C2CD2: variants seen among roughly 807,000 people sequenced by gnomAD.
C2CD2 encodes C2 domain-containing protein 2.
In C2CD2, 43 loss-of-function variants were observed where a neutral mutation model predicts 74.3. The observed-to-expected ratio is 0.58, with a 90% CI of 0.45 to 0.75. The LOEUF (loss-of-function observed/expected upper bound fraction) is 0.75. C2CD2 is among the 30% of genes least tolerant of loss of function. The pLI is 0.00. For synonymous variants in C2CD2, 422 were observed against 390.7 expected (o/e 1.08, Z -0.94); for missense variants, 801 against 916.3 (o/e 0.87, Z 1.63).
intron 7 of C2CD2, among the ~76,000 whole-genome samples, chr21:41,910,211 C>A (rs554706702): frequency 6.6e-6 from 1 of 152,140 alleles, no homozygotes; most frequent in East Asian, 1.9e-4. Context: ...TTGGATGGGC[C>A]TCTAGTATTC....
chr21:41,936,616 G>A (rs2065309311), intron 2 of C2CD2, among the ~76,000 whole-genome samples: 1 of 152,052 alleles, frequency 6.6e-6, no homozygotes. Context: ...TGAACAACGT[G>A]GGTTTCAACT....
At position 41,885,587 on chromosome 21, in the gene C2CD2, C is replaced by T. The variant is rs2064674759; in HGVS notation, c.*3537G>A. On this transcript the variant is annotated 3_prime_UTR_variant, in exon 14 of 14. Transcript: ENST00000380486. ...TTGGGGCAGTGGGGAGAGGGCCTGG[C>T]AGCAGGGTTTACGCCAGCCCCGAGG... is the stretch of plus-strand genomic sequence containing the variant. 1 of 152,736 alleles carries T rather than the reference C, an allele frequency of 6.5e-6. No individual in the cohort carries two copies. The highest frequency in any genetic ancestry group is 2.4e-5 in the African/African-American group (1 of 41,444). 9.5% of individuals were successfully genotyped at this position (152,736 alleles called of 1,614,324 possible).
intron 8 of C2CD2, 33 bp downstream of exon 8, chr21:41,909,426 A>C: frequency 6.6e-7 from 1 of 1,524,912 alleles, no homozygotes; most frequent in Non-Finnish European, 9.1e-7. Flanking sequence ...ACCTTTCCAG[A>C]GGGCGAGGCC....
intron 3 of C2CD2, among the ~76,000 whole-genome samples, chr21:41,921,270 C>T (rs951731820): frequency 2.1e-4 from 32 of 152,160 alleles, no homozygotes; most frequent in African/African-American, 7.7e-4. Flanking sequence ...GGCAGTGACC[C>T]TCGAAACAAG....
At position 41,910,163 on chromosome 21, in the gene C2CD2, G is replaced by C. The variant is rs149600445; in HGVS notation, c.954-640C>G. Among the ~76,000 whole-genome samples the C allele has an allele frequency of 5.0e-3, 768 of 152,218 alleles. 4 individuals carry two copies. The highest frequency in any genetic ancestry group is 0.031 in the Middle Eastern group (9 of 294). ...ACCTATTCTTTTAACTGAAAATTTT[G>C]TGGATGTCTTTCTGTATAACTACAG... On this transcript the variant is annotated intron_variant, in intron 7 of 13. Coordinates refer to ENST00000380486, the MANE Select transcript of C2CD2 (RefSeq NM_015500.2).
intron 1 of C2CD2, among the ~76,000 whole-genome samples, chr21:41,947,130 C>T (rs1322158563): frequency 9.2e-6 from 1 of 109,002 alleles, no homozygotes; most frequent in Non-Finnish European, 1.9e-5. Context: ...CTCTCTCTCT[C>T]TCTCTCTCTC....
chr21:41,908,788 G>A (rs1189436601), intron 8 of C2CD2: 1 of 152,102 alleles, frequency 6.6e-6, no homozygotes, highest in Non-Finnish European at 1.5e-5. Flanking sequence ...GAAAATATTT[G>A]TATCTTTAAA....
intron 2 of C2CD2, among the ~76,000 whole-genome samples, chr21:41,934,386 G>A (rs2065288748): frequency 6.6e-6 from 1 of 152,168 alleles, no homozygotes; most frequent in African/African-American, 2.4e-5. Flanking sequence ...CAGTGTCTGT[G>A]CCAGTACACT....
At chr21:41,914,997 T>C (rs928335824) in intron 5 of C2CD2, among the ~76,000 whole-genome samples, 3 of 151,994 alleles carry the variant, frequency 2.0e-5, no homozygotes, top group Admixed American at 6.6e-5. Flanking sequence ...ACAGACAGGG[T>C]TCCCACAACT....
intron 12 of C2CD2, chr21:41,901,337 T>C: frequency 2.1e-6 from 1 of 485,878 alleles, no homozygotes; most frequent in South Asian, 2.1e-5. Context: ...TCTTACATCA[T>C]GTTCCTCTCT....
intron 11 of C2CD2, among the ~76,000 whole-genome samples, chr21:41,904,585 C>G (rs1437490187): frequency 6.6e-6 from 1 of 152,214 alleles, no homozygotes; most frequent in African/African-American, 2.4e-5. Context: ...GGGGCAGGGC[C>G]TGCGTCCCAG....
chr21:41,906,869 T>A, intron 10 of C2CD2, 123 bp downstream of exon 10: 1 of 691,558 alleles, frequency 1.4e-6, no homozygotes, highest in Non-Finnish European at 2.5e-6. Flanking sequence ...GCACCCTTCC[T>A]GTGCTGTGAG....
At chr21:41,897,209 G>A (rs536572697) in intron 13 of C2CD2, among the ~76,000 whole-genome samples, 10 of 152,230 alleles carry the variant, frequency 6.6e-5, no homozygotes, top group Non-Finnish European at 1.3e-4. Context: ...GGAAGGAGGA[G>A]GGGCTGTGTG....
chr21:41,889,447 C>T (rs1025193691), intron 13 of C2CD2, 103 bp from the exon 14 acceptor site: 35 of 747,852 alleles, frequency 4.7e-5, no homozygotes, highest in African/African-American at 6.9e-5. Flanking sequence ...ATGCCTCTAA[C>T]GAAGGGCCAG....
intron 2 of C2CD2, among the ~76,000 whole-genome samples, chr21:41,930,898 C>A (rs78705118): frequency 6.7e-6 from 1 of 149,724 alleles, no homozygotes; most frequent in Admixed American, 6.7e-5. Context: ...GCTTCTGAAC[C>A]CCCACGTGCC....
chr21:41,911,388 C>CTTTTTTTTTTTTTTTTTTTTTTTTT (rs58934224), intron 7 of C2CD2, among the ~76,000 whole-genome samples: 1 of 116,756 alleles, frequency 8.6e-6, no homozygotes, highest in African/African-American at 3.2e-5. Flanking sequence ...TATCTCGATT[C>CTTTTTTTTTTTTTTTTTTTTTTTTT]TTTTTTTTTT....
At chr21:41,894,637 G>A (rs746867336) in intron 13 of C2CD2, 35 of 455,908 alleles carry the variant, frequency 7.7e-5, no homozygotes, top group Non-Finnish European at 1.1e-4. Context: ...GGACTCGGGC[G>A]GGATTCCCAG....
At chr21:41,913,412 A>G (rs2065051256) in intron 6 of C2CD2, among the ~76,000 whole-genome samples, 1 of 152,350 alleles carries the variant, frequency 6.6e-6, no homozygotes, top group Middle Eastern at 3.4e-3. Flanking sequence ...GAGCTTTCAC[A>G]GTCACTCTTC....
intron 5 of C2CD2, among the ~76,000 whole-genome samples, chr21:41,915,036 C>G (rs2065072846): frequency 6.6e-6 from 1 of 152,218 alleles, no homozygotes; most frequent in South Asian, 2.1e-4. Flanking sequence ...ATGGAGCTCA[C>G]TTTGCCATGG....
Sources: allele counts gnomAD v4.1 joint callset (sites outside exome capture counted in the v4.1 genomes callset), GRCh38; gene constraint gnomAD v4.1.1; transcripts MANE v1.5; gene names NCBI Gene and HGNC (gene_info 2026-07-23, HGNC 2026-07-21).